CNBD2: variants seen among roughly 807,000 people sequenced by gnomAD.
CNBD2 encodes the protein cyclic nucleotide binding domain containing 2, also known as cyclic nucleotide-binding domain-containing protein 2.
Under a neutral mutation model 63.7 loss-of-function variants are expected in CNBD2, and 64 were observed. The ratio of observed to expected loss-of-function variants is 1.00; its 90% confidence interval spans 0.82 to 1.24. The LOEUF is 1.24. Among genes scored for constraint, CNBD2 ranks in the 50% most tolerant of loss-of-function variants. CNBD2 has a pLI of 0.00. For missense variants in CNBD2, 691 were observed against 713.5 expected (o/e 0.97, Z 0.36); for synonymous variants, 229 against 255.4 (o/e 0.90, Z 0.99).
At chr20:35,968,841 G>T in intron 1 of CNBD2, 28 bp downstream of exon 1, 1 of 1,571,134 alleles carries the variant, frequency 6.4e-7, no homozygotes, top group South Asian at 1.1e-5. Context: ...CCCTGGGAGG[G>T]AAGAGCAGAA....
At chr20:35,973,171 A>G in intron 2 of CNBD2, 1 of 274,918 alleles carries the variant, frequency 3.6e-6, no homozygotes, top group Non-Finnish European at 6.8e-6. Context: ...TCAATGTAAA[A>G]GGAGAGAGGC....
At chr20:35,985,347 G>A (rs2056653620) in intron 6 of CNBD2, among the ~76,000 whole-genome samples, 1 of 151,644 alleles carries the variant, frequency 6.6e-6, no homozygotes, top group Admixed American at 6.6e-5. Context: ...TCTATTATTT[G>A]TAGAGATGGA....
chr20:36,009,292 C>G (rs185162058), intron 9 of CNBD2, among the ~76,000 whole-genome samples: 1 of 151,910 alleles, frequency 6.6e-6, no homozygotes, highest in East Asian at 2.0e-4. Flanking sequence ...AGCTCCGCCT[C>G]CCGGGTTCAC....
upstream of CNBD2, chr20:35,954,460 A>G: frequency 2.6e-6 from 4 of 1,548,456 alleles, no homozygotes; most frequent in Non-Finnish European, 3.5e-6. Flanking sequence ...GCACCAGCGA[A>G]GCGCCTGCGG....
At chr20:36,026,129 G>T (rs1048439292) in intron 11 of CNBD2, among the ~76,000 whole-genome samples, 1 of 152,072 alleles carries the variant, frequency 6.6e-6, no homozygotes, top group Non-Finnish European at 1.5e-5. Context: ...TGCCTCCCGG[G>T]CTCAAGTGAT....
chr20:36,028,812 A>G (rs1000957269), intron 11 of CNBD2, among the ~76,000 whole-genome samples: 1 of 151,534 alleles, frequency 6.6e-6, no homozygotes, highest in Non-Finnish European at 1.5e-5. Context: ...AGTAGCTGGG[A>G]TTACAGGCGT....
chr20:36,006,783 T>A (rs968432696), intron 8 of CNBD2, among the ~76,000 whole-genome samples: 1 of 152,142 alleles, frequency 6.6e-6, no homozygotes, highest in African/African-American at 2.4e-5. Context: ...CCCCACAAAG[T>A]TCCCTTGTGC....
chr20:35,968,893 T>A, intron 1 of CNBD2, 80 bp downstream of exon 1: 1 of 1,104,566 alleles, frequency 9.1e-7, no homozygotes, highest in Non-Finnish European at 1.3e-6. Flanking sequence ...GATGCAGGTG[T>A]AGGAGGGGTC....
At chr20:35,960,466 A>C (rs1490704763) in intron 2 of CNBD2, among the ~76,000 whole-genome samples, 1 of 152,188 alleles carries the variant, frequency 6.6e-6, no homozygotes, top group Admixed American at 6.5e-5. Flanking sequence ...CAGCTTTGTG[A>C]GTAGCTGGGA....
rs115578263 is a variant in CNBD2 at position 35,985,829 on chromosome 20, T to C, written c.716+1051T>C. On this transcript the variant is annotated intron_variant, in intron 6 of 11. Coordinates refer to ENST00000373973, the MANE Select transcript of CNBD2 (RefSeq NM_001365709.1). ...ATTGCATGGTAATTTCTTTACAGTT[T>C]ATATACCCCCTCAGACAGTAAGCAG... Among the ~76,000 whole-genome samples, 814 of 152,310 alleles carry C rather than the reference T, an allele frequency of 5.3e-3. 6 individuals are homozygous for C. Among genetic ancestry groups the C allele is most frequent in the African/African-American group, 0.019 (787 of 41,566 alleles).
chr20:36,017,418 C>T (rs557410555), intron 10 of CNBD2, among the ~76,000 whole-genome samples: 2 of 152,284 alleles, frequency 1.3e-5, no homozygotes, highest in South Asian at 2.1e-4. Flanking sequence ...TCCTTCCCTC[C>T]ACTCACACCA....
chr20:36,030,551 A>G lies in CNBD2; in HGVS notation c.1634A>G (p.Tyr545Cys), dbSNP rs1347132208. Reference protein sequence around the residue: ...CSINKTTKPRYPIFMAPQKYL... With the variant: ...CSINKTTKPRCPIFMAPQKYL... The stretch of plus-strand genomic sequence containing the variant: ...ATCAACAAGACGACTAAACCTCGTT[A>G]TCCTATTTTTATGGCACCCCAGAAA... Residue 545 changes from tyrosine to cysteine, a missense_variant, in exon 12 of 12, where the codon TAT (tyrosine) becomes TGT (cysteine). Transcript: ENST00000373973. 6 of 1,614,054 alleles carry G rather than the reference A, an allele frequency of 3.7e-6. No individual in the cohort carries two copies. The highest frequency in any genetic ancestry group is 1.3e-5 in the African/African-American group (1 of 74,916).
rs376975938 is a variant in CNBD2 at position 35,968,784 on chromosome 20, T to C, written c.22T>C (p.Tyr8His). 6.3e-5 allele frequency: 102 copies of C among 1,609,152 alleles called. No homozygotes were observed. Among genetic ancestry groups the C allele is most frequent in the Admixed American group, 1.2e-4 (7 of 59,332 alleles). ...AACCATGAGGAGACATATGGTAACT[T>C]ATGCCTGGCAGCTCCTGAAGAAGGA... MRRHMVT[Y>H]AWQLLKKELG... The change falls in exon 1 of 12, where the codon TAT becomes CAT. Residue 8 changes from tyrosine (Y) to histidine (H), a missense_variant. Transcript: ENST00000373973.
Position 36,030,602 on chromosome 20 carries a change from A to C in CNBD2, c.1685A>C (p.Gln562Pro). 1 of 1,614,200 alleles carries C rather than the reference A, an allele frequency of 6.2e-7. No individual in the cohort carries two copies. The highest frequency in any genetic ancestry group is 1.1e-5 in the South Asian group (1 of 91,084). Reference sequence around the variant, plus strand: ...TACCTCCCCCCATTGAGGATTGTCCAAGCCATCAAAGCACCTCGGTACAAA... The same window carrying C: ...TACCTCCCCCCATTGAGGATTGTCCCAGCCATCAAAGCACCTCGGTACAAA... Reference protein sequence around the residue: ...QKYLPPLRIVQAIKAPRYKIR... With the variant: ...QKYLPPLRIVPAIKAPRYKIR... Residue 562 changes from glutamine (Q) to proline (P), a missense_variant, in exon 12 of 12, where the codon CAA becomes CCA. Physicochemically the swap from Gln to Pro is moderately conservative, Grantham distance 76 (BLOSUM62 -1). Transcript: ENST00000373973.
chr20:35,983,783 C>T (rs2056627864), intron 4 of CNBD2, among the ~76,000 whole-genome samples, 199 bp from the exon 5 acceptor site: 1 of 152,194 alleles, frequency 6.6e-6, no homozygotes, highest in Admixed American at 6.5e-5. Flanking sequence ...AGCTTCAGTT[C>T]AACCGAGGCA....
chr20:35,988,245 C>A (rs983883520), intron 7 of CNBD2, among the ~76,000 whole-genome samples: 2 of 152,136 alleles, frequency 1.3e-5, no homozygotes, highest in African/African-American at 4.8e-5. Context: ...TGGCTCACTG[C>A]AACCTCTGCC....
chr20:35,966,831 T>A (rs1166093658), upstream of CNBD2, among the ~76,000 whole-genome samples: 2 of 152,220 alleles, frequency 1.3e-5, no homozygotes, highest in Admixed American at 1.3e-4. Context: ...AGATAGAGAA[T>A]GAGTTATCTT....
At chr20:35,969,973 T>G (rs1276194457) in intron 1 of CNBD2, among the ~76,000 whole-genome samples, 1 of 152,200 alleles carries the variant, frequency 6.6e-6, no homozygotes, top group Admixed American at 6.5e-5. Flanking sequence ...CCATTTCCAT[T>G]ATTTCTAGCA....
chr20:35,992,110 A>C (rs879330807), intron 7 of CNBD2, among the ~76,000 whole-genome samples: 7 of 152,070 alleles, frequency 4.6e-5, no homozygotes, highest in Non-Finnish European at 5.9e-5. Flanking sequence ...CAAACTCCTG[A>C]CCTCAGGTGT....
Sources: allele counts gnomAD v4.1 joint callset (sites outside exome capture counted in the v4.1 genomes callset), GRCh38; gene constraint gnomAD v4.1.1; transcripts MANE v1.5; gene names NCBI Gene and HGNC (gene_info 2026-07-23, HGNC 2026-07-21).